KAZN: variants seen among roughly 807,000 people sequenced by gnomAD.
The protein encoded by KAZN is kazrin, periplakin interacting protein, also known as kazrin.
In KAZN, 40 loss-of-function variants were observed where a neutral mutation model predicts 87.4. That is an observed-to-expected ratio of 0.46 (90% CI 0.36 to 0.60). The LOEUF (loss-of-function observed/expected upper bound fraction) is 0.60. Ranked by LOEUF, KAZN falls within the 20% of genes least tolerant of loss-of-function variation. KAZN has a pLI of 0.00. For synonymous variants in KAZN, 466 were observed against 458.3 expected (o/e 1.02, Z -0.22); for missense variants, 898 against 1,073.9 (o/e 0.84, Z 2.29).
intron 2 of KAZN, among the ~76,000 whole-genome samples, chr1:14,570,138 T>A (rs1033875562): frequency 4.6e-5 from 7 of 151,772 alleles, no homozygotes; most frequent in East Asian, 3.9e-4. Context: ...AAAAAATTTT[T>A]AAAAATCCAG....
intron 1 of KAZN, among the ~76,000 whole-genome samples, chr1:13,948,421 C>CCA (rs1184094610): frequency 6.6e-6 from 1 of 152,208 alleles, no homozygotes; most frequent in African/African-American, 2.4e-5. Context: ...CTCTCTCCTG[C>CCA]CACCCTATGA....
At chr1:15,029,015 A>G (rs1671430786) in intron 2 of KAZN, among the ~76,000 whole-genome samples, 1 of 152,126 alleles carries the variant, frequency 6.6e-6, no homozygotes, top group Non-Finnish European at 1.5e-5. Flanking sequence ...TTCTTAGCTC[A>G]TATCTTCCAT....
chr1:14,203,366 A>G (rs1327756659), intron 2 of KAZN, among the ~76,000 whole-genome samples: 3 of 152,136 alleles, frequency 2.0e-5, no homozygotes, highest in Admixed American at 6.5e-5. Flanking sequence ...CTCTCCCACG[A>G]GTGTGTACTT....
intron 2 of KAZN, among the ~76,000 whole-genome samples, chr1:14,985,265 A>G (rs1666680285): frequency 7.0e-6 from 1 of 143,052 alleles, no homozygotes; most frequent in Admixed American, 6.8e-5. Context: ...CCAAGGTGGG[A>G]GGCCAAGGTG....
chr1:14,533,065 CAT>C (rs1473767845), intron 2 of KAZN, among the ~76,000 whole-genome samples: 1 of 152,160 alleles, frequency 6.6e-6, no homozygotes, highest in Non-Finnish European at 1.5e-5. Flanking sequence ...CACAGAAAAA[CAT>C]GTGTTTTTAG....
chr1:14,026,529 G>A (rs1641077043), intron 1 of KAZN, among the ~76,000 whole-genome samples: 1 of 152,136 alleles, frequency 6.6e-6, no homozygotes, highest in South Asian at 2.1e-4. Context: ...CTGAGGCAGG[G>A]CAAAGTCTAG....
intron 4 of KAZN, among the ~76,000 whole-genome samples, chr1:15,049,016 G>C (rs550402133): frequency 6.6e-6 from 1 of 152,180 alleles, no homozygotes; most frequent in Non-Finnish European, 1.5e-5. Flanking sequence ...GTCTTCATGC[G>C]CAGTCACTCC....
At chr1:14,178,791 T>C (rs1411098012) in intron 1 of KAZN, among the ~76,000 whole-genome samples, 1 of 152,242 alleles carries the variant, frequency 6.6e-6, no homozygotes. Context: ...CTATATTTTG[T>C]TCCACTTCTA....
At position 14,598,770 on chromosome 1, in the gene KAZN, T is replaced by TCCGCCTCCTCCCCCCG. The variant is rs1553194665; in HGVS notation, c.-220_-205dup. ...CTCCTTCTCCTCCTCTTTTTTCTCC[T>TCCGCCTCCTCCCCCCG]CCGCCTCCTCCCCCCGCCGCCTCGC... On this transcript the variant is annotated 5_prime_UTR_variant, in exon 1 of 15. Coordinates refer to ENST00000376030, the MANE Select transcript of KAZN (RefSeq NM_201628.3). This position sits in a 1 kb window ranked among gnomAD's most constrained non-coding sequence, Gnocchi z 4.2. The TCCGCCTCCTCCCCCCG allele has an allele frequency of 3.7e-6, 5 of 1,347,622 alleles. No homozygotes were observed. In the East Asian group the frequency reaches 1.3e-4, roughly 34 times the overall value. The allele number at this position is 1,347,622 out of a possible 1,614,324, so 83.5% of individuals were successfully genotyped here. A position where few individuals can be genotyped will look rare whatever the true frequency, so the allele number is the denominator to read the frequency against.
chr1:15,045,476 C>T (rs1043940296), intron 4 of KAZN, among the ~76,000 whole-genome samples: 7 of 152,186 alleles, frequency 4.6e-5, no homozygotes, highest in Non-Finnish European at 1.0e-4. Flanking sequence ...CAGCTAAATC[C>T]ATGTATAACT....
intron 1 of KAZN, among the ~76,000 whole-genome samples, chr1:13,899,922 C>G (rs929644589): frequency 6.6e-6 from 1 of 152,052 alleles, no homozygotes; most frequent in African/African-American, 2.4e-5. Flanking sequence ...CCCGGCCTAT[C>G]TTGGTTGTCT....
chr1:14,929,505 G>C (rs992928913), intron 1 of KAZN, among the ~76,000 whole-genome samples: 15 of 152,156 alleles, frequency 9.9e-5, no homozygotes, highest in Non-Finnish European at 4.4e-5. Flanking sequence ...AGCACCCCTG[G>C]CTCTGGGGTT....
At chr1:14,416,000 G>A (rs1286367965) in intron 2 of KAZN, among the ~76,000 whole-genome samples, 2 of 152,182 alleles carry the variant, frequency 1.3e-5, no homozygotes, top group African/African-American at 4.8e-5. Context: ...ACCACATGCA[G>A]GAGATGGAAA....
intron 2 of KAZN, among the ~76,000 whole-genome samples, chr1:14,419,491 T>TTGGTG (rs1665175217): frequency 1.3e-5 from 2 of 152,344 alleles, no homozygotes; most frequent in South Asian, 4.1e-4. Context: ...TCCCTGGACT[T>TTGGTG]ACCAGAGTGT....
intron 1 of KAZN, among the ~76,000 whole-genome samples, chr1:13,958,147 T>G (rs16853271): frequency 0.13 from 19,564 of 152,206 alleles, 1,327 homozygotes; most frequent in East Asian, 0.16. Flanking sequence ...AAAACCATGA[T>G]GTGTGTGCAC....
chr1:14,248,881 A>C (rs1649754142), intron 2 of KAZN, among the ~76,000 whole-genome samples: 1 of 152,180 alleles, frequency 6.6e-6, no homozygotes, highest in East Asian at 1.9e-4. Flanking sequence ...CTTAGAGGCC[A>C]AGCAGCCATG....
At chr1:15,054,415 C>T (rs1437584366) in intron 4 of KAZN, among the ~76,000 whole-genome samples, 1 of 151,910 alleles carries the variant, frequency 6.6e-6, no homozygotes, top group Non-Finnish European at 1.5e-5. Context: ...TTTGAGAGGC[C>T]AAGGCGGGTG....
In KAZN at chr1:14,414,343, G is replaced by A. The variant is rs61771866; in HGVS notation, c.250-184640G>A. Among the ~76,000 whole-genome samples the A allele has an allele frequency of 3.1e-3, 307 of 99,832 alleles. 1 individual carries two copies. Among genetic ancestry groups the A allele is most frequent in the African/African-American group, 9.7e-3 (290 of 29,994 alleles). The allele number at this position is 99,832 out of a possible 152,430, so 65.5% of individuals were successfully genotyped here. On this transcript the variant is annotated intron_variant, in intron 2 of 16. Transcript: ENST00000636203. ...ATTTACTGCAGCACTATTTGTCATA[G>A]GAAAAAAAAAAAAAAAAAAACCTTT...
At chr1:14,883,345 A>AGGGAGG (rs1491202513) in intron 1 of KAZN, among the ~76,000 whole-genome samples, 2 of 28,504 alleles carry the variant, frequency 7.0e-5, no homozygotes, top group Non-Finnish European at 8.5e-5. Flanking sequence ...AGAGAGAGAA[A>AGGGAGG]GAAAGAAAGA....
Sources: allele counts gnomAD v4.1 joint callset (sites outside exome capture counted in the v4.1 genomes callset), GRCh38; gene constraint gnomAD v4.1.1; non-coding constraint Gnocchi (gnomAD v3.1); transcripts MANE v1.5; gene names NCBI Gene and HGNC (gene_info 2026-07-23, HGNC 2026-07-21).